TBCD: variants seen among roughly 807,000 people sequenced by gnomAD.
TBCD encodes tubulin-specific chaperone D.
In TBCD, 105 loss-of-function variants were observed where a neutral mutation model predicts 169.3. The ratio of observed to expected loss-of-function variants is 0.62; its 90% CI spans 0.53 to 0.73. TBCD has a LOEUF of 0.73. Among genes scored for constraint, TBCD ranks in the 30% least tolerant of loss-of-function variants. TBCD has a pLI of 0.00. For missense variants in TBCD, 1,444 were observed against 1,600.1 expected (o/e 0.90, Z 1.66); for synonymous variants, 700 against 643.9 (o/e 1.09, Z -1.32).
chr17:82,847,545 G>C (rs12602280), intron 13 of TBCD, among the ~76,000 whole-genome samples: 34,985 of 152,018 alleles, frequency 0.23, 4,412 homozygotes, highest in East Asian at 0.46. Context: ...TGACGTTGAT[G>C]AGTAGTGGAG....
chr17:82,848,978 A>C (rs1375076107), intron 13 of TBCD, among the ~76,000 whole-genome samples: 1 of 28,518 alleles, frequency 3.5e-5, no homozygotes, highest in Non-Finnish European at 6.4e-5. Flanking sequence ...CGTCTTCTCC[A>C]CCTCGATGTC....
chr17:82,785,997 G>A (rs562040405), intron 7 of TBCD, among the ~76,000 whole-genome samples: 2 of 152,334 alleles, frequency 1.3e-5, no homozygotes, highest in South Asian at 2.1e-4. Flanking sequence ...CAGGATCCAT[G>A]TGGATATGTC....
rs547091970 is a variant in TBCD, at chr17:82,924,971, C to T, written c.2293C>T (p.Arg765Trp). The change falls in exon 27 of 39, where the codon CGG becomes TGG. Residue 765 changes from arginine to tryptophan, a missense_variant. Transcript: ENST00000355528. ...ELITQYLAEL[R>W]NPEEMTRCGF... is the part of the protein sequence containing the mutation. ...GATCACGCAGTACCTGGCTGAGCTT[C>T]GGAACCCCGAGGAGATGACTCGCTG... is the stretch of plus-strand genomic sequence containing the variant. The T allele has an allele frequency of 4.7e-5, 74 of 1,573,072 alleles. No homozygotes were observed. The highest frequency in any genetic ancestry group is 1.7e-4 in the Middle Eastern group (1 of 6,038).
In TBCD at chr17:82,874,688, G is replaced by A. The variant is rs563860441; in HGVS notation, c.1475+4308G>A. Among the ~76,000 whole-genome samples the A allele has an allele frequency of 1.1e-4, 17 of 152,338 alleles. No homozygotes were observed. The highest frequency in any genetic ancestry group is 4.1e-4 in the African/African-American group (17 of 41,576). On this transcript the variant is annotated intron_variant, in intron 14 of 38. Coordinates refer to ENST00000355528, the MANE Select transcript of TBCD (RefSeq NM_005993.5). This position sits in a 1 kb window ranked among gnomAD's most constrained non-coding sequence, Gnocchi z 5.0. Reference sequence around the variant, plus strand: ...AGACTCCAGGCATCCGGCCGGGCGGGCTGTGAGTCAGGCTGCACCAGGTGA... The same window carrying A: ...AGACTCCAGGCATCCGGCCGGGCGGACTGTGAGTCAGGCTGCACCAGGTGA...
rs757596932 is a variant in TBCD, at chr17:82,929,306, C to T, written c.2852+35C>T. The T allele has an allele frequency of 8.1e-6, 13 of 1,611,082 alleles. No individual in the cohort carries two copies. The East Asian group carries it at 8.9e-5, about 11-fold the overall frequency. ...GGGTGTAGGCCCCCCGTGCTGGCCC[C>T]GCAGCCATGGCGAGATCATTGGCAG... On this transcript the variant is annotated intron_variant, in intron 31 of 38. Coordinates refer to ENST00000355528, the MANE Select transcript of TBCD (RefSeq NM_005993.5).
intron 14 of TBCD, among the ~76,000 whole-genome samples, chr17:82,879,387 C>T (rs2058200933): frequency 6.6e-6 from 1 of 152,158 alleles, no homozygotes; most frequent in African/African-American, 2.4e-5. Context: ...GCTCTGCTGC[C>T]GTGCGTCTGC....
intron 15 of TBCD, among the ~76,000 whole-genome samples, chr17:82,888,913 G>A (rs552389514): frequency 7.9e-5 from 12 of 152,334 alleles, no homozygotes; most frequent in African/African-American, 2.9e-4. Flanking sequence ...TGTGTGTGGT[G>A]TGGCCGTGGG....
intron 7 of TBCD, among the ~76,000 whole-genome samples, chr17:82,785,755 A>C (rs925728578): frequency 7.1e-6 from 1 of 140,722 alleles, no homozygotes; most frequent in Non-Finnish European, 1.5e-5. Context: ...AGGGGGGTCC[A>C]TGCTGTGTGA....
At chr17:82,847,596 A>G (rs926219809) in intron 13 of TBCD, among the ~76,000 whole-genome samples, 1 of 152,204 alleles carries the variant, frequency 6.6e-6, no homozygotes, top group Non-Finnish European at 1.5e-5. Flanking sequence ...TGTCATGCCA[A>G]TACCTAAATT....
At chr17:82,844,570 G>A (rs1245356999) in intron 13 of TBCD, among the ~76,000 whole-genome samples, 1 of 152,054 alleles carries the variant, frequency 6.6e-6, no homozygotes, top group African/African-American at 2.4e-5. Context: ...GGGGAGGGCT[G>A]GGCTTCTTGG....
At chr17:82,838,749 T>A in intron 13 of TBCD, 2 of 985,432 alleles carry the variant, frequency 2.0e-6, no homozygotes, top group Non-Finnish European at 2.4e-6. Flanking sequence ...TCTTTGGGAA[T>A]GTAATTTGGA....
intron 9 of TBCD, among the ~76,000 whole-genome samples, chr17:82,804,983 A>T (rs1240263193): frequency 6.6e-6 from 1 of 152,228 alleles, no homozygotes; most frequent in Non-Finnish European, 1.5e-5. Flanking sequence ...GTCCTCTGGG[A>T]GGCTGTCTCA....
intron 17 of TBCD, among the ~76,000 whole-genome samples, chr17:82,895,582 T>G (rs943874934): frequency 1.3e-5 from 2 of 152,096 alleles, no homozygotes; most frequent in African/African-American, 4.8e-5. Context: ...AGGAGAGGGC[T>G]TGAGGGCTCT....
chr17:82,919,444 A>G (rs1568041346), intron 23 of TBCD, among the ~76,000 whole-genome samples: 1 of 152,178 alleles, frequency 6.6e-6, no homozygotes, highest in Non-Finnish European at 1.5e-5. Flanking sequence ...TCTGTTCTAC[A>G]GTCGAAAAGG....
At chr17:82,824,332 C>T (rs2052660811) in intron 13 of TBCD, among the ~76,000 whole-genome samples, 2 of 151,972 alleles carry the variant, frequency 1.3e-5, no homozygotes, top group East Asian at 3.9e-4. Flanking sequence ...CAGGCGCCCG[C>T]CACCATGCCC....
chr17:82,917,059 C>CACCAGGCTACCAGGCT (rs150142757), intron 23 of TBCD, among the ~76,000 whole-genome samples: 2 of 115,618 alleles, frequency 1.7e-5, no homozygotes, highest in Non-Finnish European at 3.3e-5. Context: ...CTTGCTCTGT[C>CACCAGGCTACCAGGCT]ACCAGGCTGG....
intron 13 of TBCD, among the ~76,000 whole-genome samples, chr17:82,837,930 C>T (rs1433431041): frequency 6.6e-6 from 1 of 152,244 alleles, no homozygotes; most frequent in East Asian, 1.9e-4. Context: ...GGTGCAGTGG[C>T]TTCAAACATG....
chr17:82,753,171 C>T (rs968438545), intron 1 of TBCD, among the ~76,000 whole-genome samples: 13 of 152,120 alleles, frequency 8.5e-5, no homozygotes, highest in Non-Finnish European at 1.5e-4. Flanking sequence ...CATTATTTGG[C>T]CTTCCTCATT....
At chr17:82,807,771 C>T in intron 11 of TBCD, 103 bp downstream of exon 11, 1 of 901,702 alleles carries the variant, frequency 1.1e-6, no homozygotes, top group Non-Finnish European at 1.5e-6. Flanking sequence ...GCAGCGCGGC[C>T]CCCTCCTCGG....
Sources: allele counts gnomAD v4.1 joint callset (sites outside exome capture counted in the v4.1 genomes callset), GRCh38; gene constraint gnomAD v4.1.1; non-coding constraint Gnocchi (gnomAD v3.1); transcripts MANE v1.5; gene names NCBI Gene and HGNC (gene_info 2026-07-23, HGNC 2026-07-21).